The following SKP1 variants were observed in gnomAD, a reference collection of about 807,000 sequenced individuals.
SKP1 encodes the protein S-phase kinase associated protein 1, also known as S-phase kinase-associated protein 1.
A neutral mutation model predicts 21.5 loss-of-function variants in SKP1; 1 was observed. The ratio of observed to expected loss-of-function variants is 0.05; its 90% confidence interval spans 0.02 to 0.22. SKP1 has a LOEUF of 0.22. SKP1 is among the 10% of genes least tolerant of loss of function. The pLI is 1.00. For synonymous variants in SKP1, 59 were observed against 59.3 expected, an observed-to-expected ratio of 0.99 and a Z score of 0.03; for missense variants, 70 against 192.0, an observed-to-expected ratio of 0.36 and a Z score of 3.76.
At chr5:134,175,118 C>T (rs761368271) in intron 1 of SKP1, 4 of 152,192 alleles carry the variant, frequency 2.6e-5, no homozygotes, top group African/African-American at 4.8e-5. Context: ...TTAAAACATG[C>T]ATCACACCCA....
chr5:134,176,440 C>A (rs995479963), intron 1 of SKP1, among the ~76,000 whole-genome samples: 8 of 152,188 alleles, frequency 5.3e-5, no homozygotes, highest in African/African-American at 1.9e-4. Context: ...CCCACGCTCA[C>A]GACAGCCAAG....
At chr5:134,170,106 T>C (rs1474109074) in intron 2 of SKP1, among the ~76,000 whole-genome samples, 1 of 151,050 alleles carries the variant, frequency 6.6e-6, no homozygotes, top group Admixed American at 6.6e-5. Context: ...GAGGCAGAGA[T>C]TGCAGTGAGC....
intron 4 of SKP1, among the ~76,000 whole-genome samples, 194 bp from the exon 5 acceptor site, chr5:134,158,789 T>C (rs1017227141): frequency 5.3e-5 from 8 of 152,356 alleles, no homozygotes; most frequent in South Asian, 2.1e-4. Context: ...CTCTATAATG[T>C]TGAATCCTTC....
In SKP1 at chr5:134,151,716, T is replaced by C. The variant is rs1405363625; in HGVS notation, c.*6017A>G. 2.2e-6 allele frequency: 1 copy of C among 456,138 alleles called. No homozygotes were observed. Among genetic ancestry groups the C allele is most frequent in the Admixed American group, 2.3e-5 (1 of 42,572 alleles). 28.3% of individuals were successfully genotyped at this position (456,138 alleles called of 1,614,324 possible). ...GAACTACAGATGTGGAAGCAGACAC[T>C]GTTATGAGCAACTACATTCCTCCCA... On this transcript the variant is annotated 3_prime_UTR_variant, in exon 6 of 6. Transcript: ENST00000353411.
At chr5:134,176,396 C>A (rs1296329872) in intron 1 of SKP1, among the ~76,000 whole-genome samples, 1 of 152,186 alleles carries the variant, frequency 6.6e-6, no homozygotes, top group Non-Finnish European at 1.5e-5. Flanking sequence ...AGCTCTCCCT[C>A]CCGACCACAA....
chr5:134,168,657 G>T (rs921797088), intron 2 of SKP1, among the ~76,000 whole-genome samples: 10 of 152,050 alleles, frequency 6.6e-5, no homozygotes, highest in Non-Finnish European at 1.3e-4. Context: ...CTAAGGAGGT[G>T]GTAAGAAATG....
rs1008952456 is a variant in SKP1 at position 134,155,219 on chromosome 5, T to C, written c.*2514A>G. ...GAAGAATAGTTGGGAAGTAAGAGAGTAGCCAGAAATGAGTGGAGTTTTGAA... is the reference window on the plus strand; with the variant it reads ...GAAGAATAGTTGGGAAGTAAGAGAGCAGCCAGAAATGAGTGGAGTTTTGAA... On this transcript the variant is annotated 3_prime_UTR_variant, in exon 6 of 6. Coordinates refer to ENST00000353411, the MANE Select transcript of SKP1 (RefSeq NM_170679.3). The C allele has an allele frequency of 6.6e-6, 1 of 152,128 alleles. No homozygotes were observed. Among genetic ancestry groups the C allele is most frequent in the East Asian group, 1.9e-4 (1 of 5,182 alleles). 9.4% of individuals were successfully genotyped at this position (152,128 alleles called of 1,614,324 possible). A position where few individuals can be genotyped will look rare whatever the true frequency, so the allele number is the denominator to read the frequency against.
At position 134,172,823 on chromosome 5, in the gene SKP1, A is replaced by G. The variant is rs372450245; in HGVS notation, c.97+1103T>C. Among the ~76,000 whole-genome samples the G allele has an allele frequency of 2.3e-4, 35 of 151,722 alleles. 2 individuals carry two copies. The East Asian group carries it at 4.5e-3, about 19-fold the overall frequency. On this transcript the variant is annotated intron_variant, in intron 2 of 5. Transcript: ENST00000353411. ...GTCAGAAGATCGAGACCAGCCTGAC[A>G]AACATGGTAAAACTCCATCTCTACT... is the stretch of plus-strand genomic sequence containing the variant.
chr5:134,157,835 CCTA>C, intron 5 of SKP1, 67 bp from the exon 6 acceptor site: 1 of 1,612,084 alleles, frequency 6.2e-7, no homozygotes, highest in Non-Finnish European at 8.5e-7. Flanking sequence ...ATAAATACTA[CCTA>C]CTGATTCATC....
chr5:134,161,199 C>T (rs1761212516), intron 3 of SKP1, 69 bp from the exon 4 acceptor site: 6 of 1,339,450 alleles, frequency 4.5e-6, no homozygotes, highest in Non-Finnish European at 6.1e-6. Context: ...GCTGGGACAA[C>T]TTATCCCTAT....
rs539550211 is a variant in SKP1 at position 134,150,529 on chromosome 5, T to G, written c.*7204A>C. ...TTAGGCCTATATGTCAAAGTAGAAT[T>G]TAAGACCCAAATCTAGTTAATTGTA... On this transcript the variant is annotated 3_prime_UTR_variant, in exon 6 of 6. Coordinates refer to ENST00000353411, the MANE Select transcript of SKP1 (RefSeq NM_170679.3). 1 of 152,222 alleles carries G rather than the reference T, an allele frequency of 6.6e-6. No individual in the cohort carries two copies. Among genetic ancestry groups the G allele is most frequent in the Non-Finnish European group, 1.5e-5 (1 of 68,028 alleles). 9.4% of individuals were successfully genotyped at this position (152,222 alleles called of 1,614,324 possible).
At chr5:134,158,377 C>T (rs2149372910) in intron 5 of SKP1, 78 bp downstream of exon 5, 1 of 1,611,340 alleles carries the variant, frequency 6.2e-7, no homozygotes, top group African/African-American at 1.3e-5. Context: ...GATACAGTCA[C>T]CTCTTTTGCT....
At chr5:134,158,365 T>C in intron 5 of SKP1, 90 bp downstream of exon 5, 1 of 1,609,428 alleles carries the variant, frequency 6.2e-7, no homozygotes, top group South Asian at 1.1e-5. Context: ...TCAAGACTAC[T>C]TGATACAGTC....
intron 4 of SKP1, 82 bp from the exon 5 acceptor site, chr5:134,158,677 T>A (rs893981835): frequency 8.6e-7 from 1 of 1,158,004 alleles, no homozygotes; most frequent in Non-Finnish European, 1.3e-6. Context: ...ACTCCGTATC[T>A]AATAAAGCTT....
Position 134,149,512 on chromosome 5 carries a change from A to G in SKP1, c.*8221T>C, listed in dbSNP as rs750743522. 5 of 152,180 alleles carry G rather than the reference A, an allele frequency of 3.3e-5. No individual in the cohort carries two copies. Among genetic ancestry groups the G allele is most frequent in the Non-Finnish European group, 7.4e-5 (5 of 68,022 alleles). 9.4% of individuals were successfully genotyped at this position (152,180 alleles called of 1,614,324 possible). A position where few individuals can be genotyped will look rare whatever the true frequency, so the allele number is the denominator to read the frequency against. ...TGTCATTGTCACTCCACTGAGTTCT[A>G]TTTTTTGGATTTTGTGTTTAAAGTA... On this transcript the variant is annotated 3_prime_UTR_variant, in exon 6 of 6. Coordinates refer to ENST00000353411, the MANE Select transcript of SKP1 (RefSeq NM_170679.3).
Position 134,157,576 on chromosome 5 carries a change from C to T in SKP1, c.*157G>A, listed in dbSNP as rs1200025061. The T allele has an allele frequency of 2.9e-6, 2 of 689,840 alleles. No individual in the cohort carries two copies. Among genetic ancestry groups the T allele is most frequent in the Non-Finnish European group, 5.2e-6 (2 of 386,378 alleles). 42.7% of individuals were successfully genotyped at this position (689,840 alleles called of 1,614,324 possible). A position where few individuals can be genotyped will look rare whatever the true frequency, so the allele number is the denominator to read the frequency against. On this transcript the variant is annotated 3_prime_UTR_variant, in exon 6 of 6. Transcript: ENST00000353411. ...TTGGCCGTAAGGTTTGGGATCTGTG[C>T]TCAAACTACACATGCAATGAGGACA...
chr5:134,153,483 TAAAAG>T lies in SKP1; in HGVS notation c.*4245_*4249del, dbSNP rs2149371710. 1 of 152,382 alleles carries T rather than the reference TAAAAG, an allele frequency of 6.6e-6. No homozygotes were observed. The highest frequency in any genetic ancestry group is 2.1e-4 in the South Asian group (1 of 4,820). 9.4% of individuals were successfully genotyped at this position (152,382 alleles called of 1,614,324 possible). ...GGGGCAGAGGTGAGACCTTGTCTCT[TAAAAG>T]AAGAATCAAAAAGCTCTTCGGGCTA... On this transcript the variant is annotated 3_prime_UTR_variant, in exon 6 of 6. Transcript: ENST00000353411.
intron 2 of SKP1, among the ~76,000 whole-genome samples, chr5:134,172,470 A>G (rs1761460091): frequency 6.6e-6 from 1 of 152,204 alleles, no homozygotes; most frequent in African/African-American, 2.4e-5. Flanking sequence ...TTAACTAGCG[A>G]AAGTTTCAAG....
At position 134,152,972 on chromosome 5, in the gene SKP1, A is replaced by G. The variant is rs1478450777; in HGVS notation, c.*4761T>C. On this transcript the variant is annotated 3_prime_UTR_variant, in exon 6 of 6. Coordinates refer to ENST00000353411, the MANE Select transcript of SKP1 (RefSeq NM_170679.3). ...TGCTTCCTACCAAGGAGAAGCCAGG[A>G]GCTACACTTTAAGGATTCAGCCATT... 1 of 152,274 alleles carries G rather than the reference A, an allele frequency of 6.6e-6. No individual in the cohort carries two copies. The highest frequency in any genetic ancestry group is 1.9e-4 in the East Asian group (1 of 5,206). The allele number at this position is 152,274 out of a possible 1,614,324, so 9.4% of individuals were successfully genotyped here. A position where few individuals can be genotyped will look rare whatever the true frequency, so the allele number is the denominator to read the frequency against.
Sources: allele counts gnomAD v4.1 joint callset (sites outside exome capture counted in the v4.1 genomes callset), GRCh38; gene constraint gnomAD v4.1.1; transcripts MANE v1.5; gene names NCBI Gene and HGNC (gene_info 2026-07-23, HGNC 2026-07-21).